N4BP2L2: variants seen among roughly 807,000 people sequenced by gnomAD.
N4BP2L2 encodes NEDD4-binding protein 2-like 2.
Under a neutral mutation model 56.2 loss-of-function variants are expected in N4BP2L2, and 50 were observed. The observed-to-expected ratio is 0.89, with a 90% confidence interval of 0.71 to 1.13. The LOEUF is 1.13. N4BP2L2 is among the 50% of genes most tolerant of loss of function. N4BP2L2 has a pLI of 0.00. For synonymous variants in N4BP2L2, 203 were observed against 223.6 expected, an observed-to-expected ratio of 0.91 and a Z score of 0.82; for missense variants, 689 against 693.8, an observed-to-expected ratio of 0.99 and a Z score of 0.08.
chr13:32,477,761 C>T (rs1175488756), intron 6 of N4BP2L2: 1 of 719,712 alleles, frequency 1.4e-6, no homozygotes, highest in Non-Finnish European at 2.0e-6. Context: ...GGTAAAAGCT[C>T]TGTTCCAATT....
chr13:32,482,297 C>T (rs901495939), intron 6 of N4BP2L2, among the ~76,000 whole-genome samples: 1 of 152,144 alleles, frequency 6.6e-6, no homozygotes, highest in African/African-American at 2.4e-5. Flanking sequence ...TTTTAGCTGA[C>T]TGTATACAAT....
At chr13:32,538,512 G>C (rs1338808348) in intron 1 of N4BP2L2, 106 bp downstream of exon 1, 2 of 661,792 alleles carry the variant, frequency 3.0e-6, no homozygotes, top group African/African-American at 2.0e-5. Flanking sequence ...AGTTCACACA[G>C]AGCTTACGTC....
intron 6 of N4BP2L2, among the ~76,000 whole-genome samples, chr13:32,500,615 G>A (rs2089810527): frequency 6.6e-6 from 1 of 150,686 alleles, no homozygotes; most frequent in Admixed American, 6.6e-5. Flanking sequence ...CCACTCAAGA[G>A]GTTGTAATAG....
intron 6 of N4BP2L2, among the ~76,000 whole-genome samples, chr13:32,500,084 C>T (rs778886836): frequency 6.4e-4 from 98 of 152,172 alleles, no homozygotes; most frequent in Non-Finnish European, 4.1e-4. Context: ...TACTGTGGCT[C>T]TTTTCACTGC....
chr13:32,443,712 A>G, exon 7 of N4BP2L2: 1 of 1,591,190 alleles, frequency 6.3e-7, no homozygotes, highest in Non-Finnish European at 8.5e-7. Context: ...TCAGTATTGG[A>G]CAAGTAACGG....
chr13:32,438,845 C>A, intron 7 of N4BP2L2: 1 of 736,552 alleles, frequency 1.4e-6, no homozygotes, highest in Non-Finnish European at 2.2e-6. Flanking sequence ...CATTAAAAGT[C>A]TGGTTTTAAA....
chr13:32,529,404 G>A (rs907405318), intron 2 of N4BP2L2, among the ~76,000 whole-genome samples: 1 of 152,134 alleles, frequency 6.6e-6, no homozygotes, highest in East Asian at 1.9e-4. Flanking sequence ...TTGCTTTTTG[G>A]GAGACTGGAG....
chr13:32,537,170 T>A, intron 1 of N4BP2L2, 143 bp from the exon 2 acceptor site: 2 of 564,156 alleles, frequency 3.5e-6, no homozygotes, highest in East Asian at 6.5e-5. Flanking sequence ...ACCAGTCACT[T>A]TCATAACCAC....
At chr13:32,453,961 A>G (rs1343993574) in intron 6 of N4BP2L2, among the ~76,000 whole-genome samples, 1 of 152,232 alleles carries the variant, frequency 6.6e-6, no homozygotes, top group Non-Finnish European at 1.5e-5. Context: ...CATAACTACC[A>G]CTTGGGGTAA....
chr13:32,491,713 C>T (rs1415921176), intron 6 of N4BP2L2, among the ~76,000 whole-genome samples: 1 of 149,220 alleles, frequency 6.7e-6, no homozygotes, highest in Non-Finnish European at 1.5e-5. Flanking sequence ...CTCACTGCAA[C>T]CTCCACCTCC....
intron 6 of N4BP2L2, among the ~76,000 whole-genome samples, chr13:32,462,612 G>T (rs932890764): frequency 3.3e-5 from 5 of 152,008 alleles, no homozygotes; most frequent in Non-Finnish European, 7.4e-5. Context: ...TAGAAGACAG[G>T]TCTTGAAACA....
exon 6 of N4BP2L2, chr13:32,514,524 C>T (rs2048777514): frequency 6.6e-6 from 1 of 152,072 alleles, no homozygotes; most frequent in African/African-American, 2.4e-5. Context: ...GTCTATTCCA[C>T]TAACATTATA....
chr13:32,443,125 T>C, exon 7 of N4BP2L2: 1 of 1,613,442 alleles, frequency 6.2e-7, no homozygotes, highest in South Asian at 1.1e-5. Context: ...TATATCCGGT[T>C]GAGGTAAGCA....
At chr13:32,495,694 T>C (rs914095136) in intron 6 of N4BP2L2, among the ~76,000 whole-genome samples, 1 of 151,958 alleles carries the variant, frequency 6.6e-6, no homozygotes, top group Non-Finnish European at 1.5e-5. Flanking sequence ...GCTGCCTCTT[T>C]TTTTTTTTAA....
At chr13:32,438,786 T>C (rs770850603) in intron 7 of N4BP2L2, 1 of 1,419,020 alleles carries the variant, frequency 7.0e-7, no homozygotes, top group South Asian at 1.2e-5. Context: ...CACACAGATT[T>C]TTGCCCTAAC....
chr13:32,528,862 T>A (rs777934980), intron 2 of N4BP2L2, among the ~76,000 whole-genome samples: 1 of 152,152 alleles, frequency 6.6e-6, no homozygotes, highest in Non-Finnish European at 1.5e-5. Flanking sequence ...CTTATAATGG[T>A]ATCATATACA....
upstream of N4BP2L2, chr13:32,538,824 C>T: frequency 1.2e-5 from 12 of 985,432 alleles, no homozygotes; most frequent in Non-Finnish European, 1.4e-5. Context: ...CAGGCCAAAA[C>T]TAGGCGTTTG....
chr13:32,437,613 C>T (rs2075676611), intron 8 of N4BP2L2, among the ~76,000 whole-genome samples: 1 of 152,202 alleles, frequency 6.6e-6, no homozygotes, highest in Non-Finnish European at 1.5e-5. Context: ...GAACAGCCCT[C>T]AGAATAGTTA....
intron 6 of N4BP2L2, among the ~76,000 whole-genome samples, chr13:32,488,935 T>A (rs1207421808): frequency 6.6e-6 from 1 of 152,194 alleles, no homozygotes. Flanking sequence ...CATAAACTCA[T>A]GGTGGCACAC....
Sources: allele counts gnomAD v4.1 joint callset (sites outside exome capture counted in the v4.1 genomes callset), GRCh38; gene constraint gnomAD v4.1.1; transcripts MANE v1.5; gene names NCBI Gene and HGNC (gene_info 2026-07-23, HGNC 2026-07-21).